Variants in FSIP1 observed in about 807,000 individuals in gnomAD.
FSIP1 encodes fibrous sheath-interacting protein 1.
Under a neutral mutation model 60.9 loss-of-function variants are expected in FSIP1, and 65 were observed. That is an observed-to-expected ratio of 1.07 (90% confidence interval 0.87 to 1.31). The LOEUF is 1.31. Ranked by LOEUF, FSIP1 falls within the 40% of genes most tolerant of loss-of-function variation. FSIP1 has a pLI of 0.00. For synonymous variants in FSIP1, 209 were observed against 221.2 expected, an observed-to-expected ratio of 0.94 and a Z score of 0.49; for missense variants, 675 against 665.5, an observed-to-expected ratio of 1.01 and a Z score of -0.16.
chr15:39,717,691 A>G (rs1895794235), intron 9 of FSIP1, among the ~76,000 whole-genome samples: 1 of 152,212 alleles, frequency 6.6e-6, no homozygotes, highest in African/African-American at 2.4e-5. Context: ...ATCCTACAGG[A>G]GCCATTATCT....
At chr15:39,690,561 TTG>T (rs1894556106) in intron 10 of FSIP1, among the ~76,000 whole-genome samples, 1 of 152,174 alleles carries the variant, frequency 6.6e-6, no homozygotes, top group South Asian at 2.1e-4. Flanking sequence ...CCCCAAATTG[TTG>T]AAAAATGCTG....
intron 6 of FSIP1, among the ~76,000 whole-genome samples, chr15:39,740,489 C>T (rs1896768019): frequency 6.6e-6 from 1 of 152,168 alleles, no homozygotes; most frequent in African/African-American, 2.4e-5. Flanking sequence ...AAAACAAGAT[C>T]ATGTGAACCC....
chr15:39,778,403 T>C (rs1027754393), intron 1 of FSIP1, among the ~76,000 whole-genome samples: 3 of 152,212 alleles, frequency 2.0e-5, no homozygotes, highest in African/African-American at 7.2e-5. Context: ...TCTGTTCTAT[T>C]AGGTTCACTC....
chr15:39,693,444 CTG>C (rs1894684544), intron 10 of FSIP1, among the ~76,000 whole-genome samples: 1 of 152,214 alleles, frequency 6.6e-6, no homozygotes, highest in African/African-American at 2.4e-5. Flanking sequence ...ACCTTATTCG[CTG>C]TGTTTGACTG....
intron 10 of FSIP1, among the ~76,000 whole-genome samples, chr15:39,626,403 T>C (rs1337070063): frequency 6.6e-6 from 1 of 152,136 alleles, no homozygotes; most frequent in African/African-American, 2.4e-5. Context: ...ACCCTCCACC[T>C]TGTACTGGTG....
intron 11 of FSIP1, among the ~76,000 whole-genome samples, chr15:39,608,270 G>A (rs17705806): frequency 0.13 from 19,654 of 152,140 alleles, 1,468 homozygotes; most frequent in Non-Finnish European, 0.17. Context: ...GGTATAATCA[G>A]AGCCATGTTC....
chr15:39,628,140 T>G (rs1395524259), intron 10 of FSIP1, among the ~76,000 whole-genome samples: 2 of 152,156 alleles, frequency 1.3e-5, no homozygotes, highest in Admixed American at 1.3e-4. Flanking sequence ...TGGTTTCTAC[T>G]GGCATATCTG....
At chr15:39,763,952 G>A (rs1395624933) in intron 4 of FSIP1, 38 bp from the exon 5 acceptor site, 3 of 1,066,780 alleles carry the variant, frequency 2.8e-6, no homozygotes, top group Admixed American at 1.8e-5. Context: ...CATGGGAAAA[G>A]AAGGCAACTA....
intron 10 of FSIP1, among the ~76,000 whole-genome samples, chr15:39,641,502 T>C (rs2140419996): frequency 6.6e-6 from 1 of 152,358 alleles, no homozygotes; most frequent in Non-Finnish European, 1.5e-5. Context: ...TTATTGACTA[T>C]AATTAACAGG....
chr15:39,630,364 A>G (rs1203549829), intron 10 of FSIP1, among the ~76,000 whole-genome samples: 1 of 152,252 alleles, frequency 6.6e-6, no homozygotes, highest in Non-Finnish European at 1.5e-5. Flanking sequence ...AAATAGCTTG[A>G]TGCATACCCT....
chr15:39,663,682 T>C (rs957583528), intron 10 of FSIP1, among the ~76,000 whole-genome samples: 2 of 152,124 alleles, frequency 1.3e-5, no homozygotes, highest in African/African-American at 4.8e-5. Context: ...GTGCAACGTA[T>C]TGAGAAAAAT....
chr15:39,687,137 C>CTTTTTTTTTTTTTTTTTTTTTT (rs386382788), intron 10 of FSIP1, among the ~76,000 whole-genome samples: 1 of 115,490 alleles, frequency 8.7e-6, no homozygotes, highest in Non-Finnish European at 1.7e-5. Flanking sequence ...TTTTCTTTTC[C>CTTTTTTTTTTTTTTTTTTTTTT]TTTTTTTTTT....
At chr15:39,691,488 C>T (rs1947095542) in intron 10 of FSIP1, among the ~76,000 whole-genome samples, 2 of 152,170 alleles carry the variant, frequency 1.3e-5, no homozygotes, top group South Asian at 4.1e-4. Context: ...AGCCAGTCAC[C>T]TCTGGACAGT....
chr15:39,719,330 G>T (rs1336416004), intron 9 of FSIP1, among the ~76,000 whole-genome samples: 2 of 152,154 alleles, frequency 1.3e-5, no homozygotes, highest in African/African-American at 4.8e-5. Flanking sequence ...GGTCATACAG[G>T]AATGCCTTCA....
At chr15:39,764,171 T>C (rs1480406799) in intron 4 of FSIP1, among the ~76,000 whole-genome samples, 2 of 152,184 alleles carry the variant, frequency 1.3e-5, no homozygotes, top group African/African-American at 4.8e-5. Context: ...TTCTGCTTGA[T>C]ATTTTTATAA....
intron 10 of FSIP1, among the ~76,000 whole-genome samples, chr15:39,667,113 G>A (rs1051362726): frequency 2.0e-5 from 3 of 152,296 alleles, no homozygotes; most frequent in South Asian, 2.1e-4. Flanking sequence ...AAACATGGAC[G>A]AGTGCTTGAC....
At chr15:39,719,335 C>G (rs188302010) in intron 9 of FSIP1, among the ~76,000 whole-genome samples, 10 of 152,232 alleles carry the variant, frequency 6.6e-5, no homozygotes, top group Non-Finnish European at 1.0e-4. Flanking sequence ...TACAGGAATG[C>G]CTTCATGGAG....
At chr15:39,726,989 C>T (rs1201651746) in intron 8 of FSIP1, among the ~76,000 whole-genome samples, 1 of 152,078 alleles carries the variant, frequency 6.6e-6, no homozygotes, top group Non-Finnish European at 1.5e-5. Flanking sequence ...GGGGGTTTCC[C>T]CTGTGGAACA....
At chr15:39,758,767 C>G (rs1263150827) in intron 5 of FSIP1, among the ~76,000 whole-genome samples, 1 of 151,868 alleles carries the variant, frequency 6.6e-6, no homozygotes, top group African/African-American at 2.4e-5. Flanking sequence ...CATGTTATTC[C>G]AAAATACTGC....
Sources: gnomAD v4.1 joint callset for allele counts (sites outside exome capture counted in the v4.1 genomes callset) on GRCh38, gnomAD v4.1.1 for gene constraint, MANE v1.5 for transcripts, NCBI Gene and HGNC (gene_info 2026-07-23, HGNC 2026-07-21) for gene names.